POF1B: variants seen among roughly 807,000 people sequenced by gnomAD.
POF1B encodes the protein protein POF1B.
POF1B carries 53 observed loss-of-function variants against 55.3 expected under a neutral mutation model. The ratio of observed to expected loss-of-function variants is 0.96; its 90% confidence interval spans 0.77 to 1.20. POF1B has a LOEUF of 1.20. Among genes scored for constraint, POF1B ranks in the 50% most tolerant of loss-of-function variants. The probability of loss-of-function intolerance (pLI) is 0.00; values close to 1 mark genes in which losing one functional copy is unlikely to be tolerated. For synonymous variants in POF1B, 188 were observed against 148.3 expected (o/e 1.27, Z -1.95); for missense variants, 478 against 420.5 (o/e 1.14, Z -1.20).
intron 1 of POF1B, 50 bp downstream of exon 1, chrX:85,379,589 G>A (rs1029944240): frequency 4.5e-6 from 3 of 667,328 alleles, no homozygotes; most frequent in African/African-American, 4.5e-5. Context: ...TGTGGAAACC[G>A]CTTATCAAAA....
intron 2 of POF1B, among the ~76,000 whole-genome samples, chrX:85,370,688 A>G (rs1260569438): frequency 8.9e-6 from 1 of 111,862 alleles, no homozygotes; most frequent in African/African-American, 3.2e-5. Context: ...CAAAACCTTG[A>G]TGTTGAAAGG....
intron 14 of POF1B, 38 bp downstream of exon 14, chrX:85,304,305 G>A: frequency 2.7e-6 from 3 of 1,116,041 alleles, no homozygotes; most frequent in Non-Finnish European, 3.6e-6. Context: ...GTACTAAGTT[G>A]TATTACTTTT....
intron 15 of POF1B, among the ~76,000 whole-genome samples, chrX:85,300,571 C>T (rs1219371200): frequency 8.9e-6 from 1 of 111,750 alleles, no homozygotes; most frequent in Non-Finnish European, 1.9e-5. Context: ...CAATGAACAC[C>T]TTGGCAGGAG....
chrX:85,346,022 T>C lies in POF1B; in HGVS notation c.561A>G (p.Gln187=). Residue 187 remains glutamine (Q), a synonymous_variant, in exon 6 of 17, where the codon CAA becomes CAG. Transcript: ENST00000262753. ...GCTGTTGGATAATGTGATGATGGCA[T>C]TGAGCCTGAGGATGGCACCCCTAAG... The part of the protein sequence containing the change: ...NTDQGCHPQA[Q]CHHHIIQQPQ... 1 of 1,195,435 alleles carries C rather than the reference T, an allele frequency of 8.4e-7. No individual in the cohort carries two copies. The highest frequency in any genetic ancestry group is 1.1e-6 in the Non-Finnish European group (1 of 886,822).
chrX:85,288,238 C>T (rs979226494), intron 15 of POF1B, among the ~76,000 whole-genome samples: 3 of 111,634 alleles, frequency 2.7e-5, no homozygotes, highest in Non-Finnish European at 5.7e-5. Context: ...CCAACTACCT[C>T]CTGCCCCTCA....
chrX:85,347,972 T>A (rs1933303260), intron 5 of POF1B, among the ~76,000 whole-genome samples: 1 of 111,078 alleles, frequency 9.0e-6, no homozygotes, highest in South Asian at 3.7e-4. Context: ...AAATAGAAGC[T>A]CTCCTGAAGG....
rs770873912 is a variant in POF1B at position 85,367,780 on chromosome X, C to T, written c.283-14G>A. The T allele has an allele frequency of 1.9e-6, 2 of 1,048,845 alleles. No individual in the cohort carries two copies. Among genetic ancestry groups the T allele is most frequent in the Non-Finnish European group, 2.6e-6 (2 of 772,081 alleles). 86.4% of individuals were successfully genotyped at this position (1,048,845 alleles called of 1,213,427 possible). ...AGAATGGAGTTCCTGTTAAGAGAAA[C>T]AAAAGGGAGTTCAGAAATTATTTGA... is the stretch of plus-strand genomic sequence containing the variant. On this transcript the variant is annotated splice_polypyrimidine_tract_variant and intron_variant, in intron 2 of 16. Coordinates refer to ENST00000262753, the MANE Select transcript of POF1B (RefSeq NM_024921.4).
chrX:85,322,413 C>A (rs1398465698), intron 7 of POF1B, among the ~76,000 whole-genome samples: 1 of 111,345 alleles, frequency 9.0e-6, no homozygotes, highest in Non-Finnish European at 1.9e-5. Context: ...GAAACTGGAT[C>A]CCTTCCTTAC....
At chrX:85,347,495 A>G (rs1017632361) in intron 5 of POF1B, among the ~76,000 whole-genome samples, 1 of 111,166 alleles carries the variant, frequency 9.0e-6, no homozygotes. Context: ...TAGTTTTAAG[A>G]GTAGCTGCTT....
intron 7 of POF1B, among the ~76,000 whole-genome samples, chrX:85,323,621 T>A (rs983420932): frequency 3.7e-5 from 4 of 108,258 alleles, no homozygotes; most frequent in Admixed American, 9.8e-5. Context: ...AATAAAAAAA[T>A]AAAAAAAAAT....
chrX:85,306,269 T>A lies in POF1B; in HGVS notation c.1229A>T (p.His410Leu). ...ALEENNLSLR[H>L]TLSDMEYRLK... is the part of the protein sequence containing the mutation. The stretch of plus-strand genomic sequence containing the variant: ...TCTGTATTCCATGTCTGATAGTGTA[T>A]GTCGAAGAGAGAGATTGTTTTCTTC... The change falls in exon 12 of 17, where the codon CAT (histidine) becomes CTT (leucine). Residue 410 changes from histidine (H) to leucine (L), a missense_variant. By Grantham distance (99) the His-to-Leu change is moderately conservative. Transcript: ENST00000262753. 4 of 1,207,958 alleles carry A rather than the reference T, an allele frequency of 3.3e-6. No individual in the cohort carries two copies. Among genetic ancestry groups the A allele is most frequent in the Non-Finnish European group, 4.5e-6 (4 of 892,284 alleles).
chrX:85,355,634 G>T (rs1337642608), intron 4 of POF1B, among the ~76,000 whole-genome samples: 1 of 111,148 alleles, frequency 9.0e-6, no homozygotes, highest in Non-Finnish European at 1.9e-5. Context: ...CAACCCCATC[G>T]AAAAGTGGGC....
At chrX:85,321,232 A>T (rs1429964732) in intron 7 of POF1B, among the ~76,000 whole-genome samples, 2 of 111,343 alleles carry the variant, frequency 1.8e-5, no homozygotes, top group African/African-American at 6.5e-5. Context: ...CACATCAAAA[A>T]GCTTATCCAC....
At chrX:85,356,082 G>A (rs893079564) in intron 4 of POF1B, among the ~76,000 whole-genome samples, 7 of 111,443 alleles carry the variant, frequency 6.3e-5, no homozygotes, top group African/African-American at 2.0e-4. Flanking sequence ...ATGATAGACT[G>A]GATTAAGAAA....
chrX:85,341,732 C>T (rs1253011621), intron 6 of POF1B, among the ~76,000 whole-genome samples: 4 of 110,743 alleles, frequency 3.6e-5, no homozygotes, highest in Non-Finnish European at 7.6e-5. Flanking sequence ...AACTAACCAG[C>T]CCTGAAATTC....
chrX:85,320,032 T>C (rs762789754), intron 7 of POF1B, among the ~76,000 whole-genome samples: 1 of 111,420 alleles, frequency 9.0e-6, no homozygotes, highest in East Asian at 2.8e-4. Flanking sequence ...AGGCTCTTTA[T>C]TACTGACTCA....
At chrX:85,356,095 G>A (rs748568654) in intron 4 of POF1B, among the ~76,000 whole-genome samples, 1 of 111,506 alleles carries the variant, frequency 9.0e-6, no homozygotes, top group South Asian at 3.8e-4. Context: ...TTAAGAAAAT[G>A]TGGCACATAT....
intron 7 of POF1B, among the ~76,000 whole-genome samples, chrX:85,325,996 G>A (rs185268598): frequency 9.9e-5 from 11 of 111,137 alleles, no homozygotes; most frequent in African/African-American, 3.3e-4. Flanking sequence ...CTGGGGAGTC[G>A]TATTGGGCCA....
chrX:85,351,158 A>T (rs1204449353), intron 5 of POF1B, among the ~76,000 whole-genome samples, 192 bp downstream of exon 5: 1 of 111,181 alleles, frequency 9.0e-6, no homozygotes, highest in Non-Finnish European at 1.9e-5. Context: ...TAAAATGAGG[A>T]CAATAATACT....
Sources: gnomAD v4.1 joint callset for allele counts (sites outside exome capture counted in the v4.1 genomes callset) on GRCh38, gnomAD v4.1.1 for gene constraint, MANE v1.5 for transcripts, NCBI Gene and HGNC (gene_info 2026-07-23, HGNC 2026-07-21) for gene names.